ENAH: variants seen among roughly 807,000 people sequenced by gnomAD.
ENAH encodes protein enabled homolog.
A neutral mutation model predicts 78.7 loss-of-function variants in ENAH; 23 were observed. That is an observed-to-expected ratio of 0.29 (90% confidence interval 0.21 to 0.41). The LOEUF (loss-of-function observed/expected upper bound fraction) is 0.41, where lower values mean the gene tolerates loss of function less well. ENAH is among the 10% of genes least tolerant of loss of function. The probability of loss-of-function intolerance (pLI) is 1.00; values close to 1 mark genes in which losing one functional copy is unlikely to be tolerated. For missense variants in ENAH, 544 were observed against 691.0 expected (o/e 0.79, Z 2.39); for synonymous variants, 226 against 241.0 (o/e 0.94, Z 0.58).
chr1:225,497,594 G>C lies in ENAH; in HGVS notation c.*181C>G, dbSNP rs1386155434. 1 of 466,550 alleles carries C rather than the reference G, an allele frequency of 2.1e-6. No homozygotes were observed. Among genetic ancestry groups the C allele is most frequent in the Non-Finnish European group, 3.8e-6 (1 of 261,716 alleles). 28.9% of individuals were successfully genotyped at this position (466,550 alleles called of 1,614,324 possible). ...AAAGCAGCAAACGGAGAGGGAAAGA[G>C]CTTATCACCAGAGTCATAATGTCTG... On this transcript the variant is annotated 3_prime_UTR_variant, in exon 14 of 14. Transcript: ENST00000366843.
At chr1:225,586,241 CA>C (rs34817622) in intron 1 of ENAH, among the ~76,000 whole-genome samples, 38 of 100,610 alleles carry the variant, frequency 3.8e-4, no homozygotes, top group South Asian at 8.7e-4. Flanking sequence ...GAGACAAGCT[CA>C]AAAAAAAAAA....
At chr1:225,516,587 T>C (rs1420200782) in intron 6 of ENAH, among the ~76,000 whole-genome samples, 1 of 152,108 alleles carries the variant, frequency 6.6e-6, no homozygotes, top group African/African-American at 2.4e-5. Context: ...GTGAAAGACA[T>C]GTATTAGCTG....
intron 1 of ENAH, among the ~76,000 whole-genome samples, chr1:225,618,455 C>G (rs1656208777): frequency 6.6e-6 from 1 of 152,110 alleles, no homozygotes; most frequent in South Asian, 2.1e-4. Context: ...GAACCTTTTT[C>G]TCCTCACCTC....
At chr1:225,498,963 T>C (rs1278141877) in intron 12 of ENAH, among the ~76,000 whole-genome samples, 1 of 152,192 alleles carries the variant, frequency 6.6e-6, no homozygotes, top group Non-Finnish European at 1.5e-5. Context: ...TGACCCATGC[T>C]GTCCAATACG....
At chr1:225,561,619 TTAAAATAAAA>T (rs140300660) in intron 2 of ENAH, among the ~76,000 whole-genome samples, 16 of 125,878 alleles carry the variant, frequency 1.3e-4, no homozygotes, top group South Asian at 5.3e-4. Context: ...AGATTCCGTC[TTAAAATAAAA>T]TAAAATAAAA....
intron 1 of ENAH, among the ~76,000 whole-genome samples, chr1:225,570,734 G>A (rs2096757648): frequency 6.6e-6 from 1 of 151,672 alleles, no homozygotes; most frequent in Non-Finnish European, 1.5e-5. Context: ...GAGGCGGGCA[G>A]ATCACCTAAG....
intron 1 of ENAH, among the ~76,000 whole-genome samples, chr1:225,614,478 C>A (rs1042231620): frequency 1.4e-4 from 21 of 152,198 alleles, no homozygotes; most frequent in African/African-American, 4.8e-4. Flanking sequence ...TACCCCCAAT[C>A]GCTGCACTTG....
chr1:225,555,194 C>CA, intron 2 of ENAH, 111 bp from the exon 3 acceptor site: 1 of 884,360 alleles, frequency 1.1e-6, no homozygotes, highest in Non-Finnish European at 1.6e-6. Flanking sequence ...CAGACCTTGG[C>CA]AAAAATTGCT....
intron 1 of ENAH, among the ~76,000 whole-genome samples, chr1:225,611,629 A>AT (rs1391697505): frequency 6.6e-6 from 1 of 151,972 alleles, no homozygotes; most frequent in Non-Finnish European, 1.5e-5. Context: ...CAAAAAAAAA[A>AT]TTTTTTAATT....
chr1:225,636,884 A>G (rs1445118864), intron 1 of ENAH, among the ~76,000 whole-genome samples: 2 of 151,910 alleles, frequency 1.3e-5, no homozygotes, highest in East Asian at 3.8e-4. Context: ...TAGTCGACAA[A>G]AACTATGAAA....
At chr1:225,561,753 A>G (rs2096707262) in intron 2 of ENAH, among the ~76,000 whole-genome samples, 1 of 152,176 alleles carries the variant, frequency 6.6e-6, no homozygotes, top group African/African-American at 2.4e-5. Flanking sequence ...GTGCTTCAGA[A>G]CCAGTGAGCT....
chr1:225,606,842 CAAAA>C (rs59168194), intron 1 of ENAH, among the ~76,000 whole-genome samples: 851 of 48,968 alleles, frequency 0.017, 2 homozygotes, highest in Middle Eastern at 0.054. Flanking sequence ...GACTCTGTCT[CAAAA>C]AAAAAAAAAA....
intron 1 of ENAH, among the ~76,000 whole-genome samples, chr1:225,590,876 G>A (rs941908523): frequency 6.6e-6 from 1 of 152,108 alleles, no homozygotes; most frequent in African/African-American, 2.4e-5. Context: ...TCCTGAGCAA[G>A]AATAAGCATC....
chr1:225,570,230 G>A lies in ENAH; in HGVS notation c.6-2816C>T, dbSNP rs576852748. Among the ~76,000 whole-genome samples the A allele has an allele frequency of 1.6e-3, 245 of 151,536 alleles. No homozygotes were observed. In the South Asian group the frequency reaches 0.019, roughly 12 times the overall value. ...GAAGCCCCCATCAAGGCCCAGCCAG[G>A]AAAGGATGGCACTGCCTGCTAGGGT... On this transcript the variant is annotated intron_variant, in intron 1 of 13. Transcript: ENST00000366843.
chr1:225,608,316 CAG>C (rs2148086225), intron 1 of ENAH, among the ~76,000 whole-genome samples: 1 of 150,266 alleles, frequency 6.7e-6, no homozygotes, highest in East Asian at 2.0e-4. Flanking sequence ...TCTCCCTTTT[CAG>C]AGTCCATTAC....
intron 1 of ENAH, among the ~76,000 whole-genome samples, chr1:225,607,962 A>T (rs1019475673): frequency 6.6e-6 from 1 of 152,176 alleles, no homozygotes; most frequent in Non-Finnish European, 1.5e-5. Flanking sequence ...CTCAGGCTTA[A>T]GTCTGAACAG....
At chr1:225,563,224 C>T (rs970865449) in intron 2 of ENAH, among the ~76,000 whole-genome samples, 14 of 152,084 alleles carry the variant, frequency 9.2e-5, no homozygotes, top group African/African-American at 3.1e-4. Context: ...CAGACAATTA[C>T]ATCATTGGTG....
At chr1:225,510,699 T>TAAAAA (rs770906084) in intron 10 of ENAH, among the ~76,000 whole-genome samples, 1 of 106,042 alleles carries the variant, frequency 9.4e-6, no homozygotes, top group Non-Finnish European at 2.0e-5. Flanking sequence ...CAGAGGTACT[T>TAAAAA]AAAAAAAAAA....
intron 2 of ENAH, among the ~76,000 whole-genome samples, chr1:225,563,910 A>C (rs972730551): frequency 1.3e-4 from 20 of 152,134 alleles, no homozygotes; most frequent in African/African-American, 4.3e-4. Context: ...ATTATTTACT[A>C]TTTATTTATT....
Sources: allele counts gnomAD v4.1 joint callset (sites outside exome capture counted in the v4.1 genomes callset), GRCh38; gene constraint gnomAD v4.1.1; transcripts MANE v1.5; gene names NCBI Gene and HGNC (gene_info 2026-07-23, HGNC 2026-07-21).